The following BCL2L13 variants were observed in gnomAD, a reference collection of about 807,000 sequenced individuals.
The protein encoded by BCL2L13 is BCL2 like 13, also known as bcl-2-like protein 13.
A neutral mutation model predicts 25.8 loss-of-function variants in BCL2L13; 13 were observed. That is an observed-to-expected ratio of 0.50 (90% CI 0.33 to 0.80). BCL2L13 has a LOEUF of 0.80. Ranked by LOEUF, BCL2L13 falls within the 30% of genes least tolerant of loss-of-function variation. The pLI, the probability that BCL2L13 is intolerant of heterozygous loss-of-function variation, is 0.02. For missense variants in BCL2L13, 504 were observed against 574.9 expected, an observed-to-expected ratio of 0.88 and a Z score of 1.26; for synonymous variants, 244 against 230.3, an observed-to-expected ratio of 1.06 and a Z score of -0.54.
chr22:17,702,190 C>G lies in BCL2L13; in HGVS notation c.457-53C>G. ...TTTTCTAGTAGTTGAACATATAAAA[C>G]ACATTATAAGAATTTCAGTGTGGTT... is the stretch of plus-strand genomic sequence containing the variant. On this transcript the variant is annotated intron_variant, in intron 5 of 6. Transcript: ENST00000317582. 6.4e-6 allele frequency: 9 copies of G among 1,398,130 alleles called. No individual in the cohort carries two copies. The South Asian group carries it at 8.4e-5, about 13-fold the overall frequency. 86.6% of individuals were successfully genotyped at this position (1,398,130 alleles called of 1,614,324 possible).
chr22:17,671,721 C>A (rs1327516571), intron 2 of BCL2L13, among the ~76,000 whole-genome samples: 2 of 151,974 alleles, frequency 1.3e-5, no homozygotes, highest in Non-Finnish European at 2.9e-5. Flanking sequence ...CATCTGTTTT[C>A]TTTTTCAGAC....
At chr22:17,718,463 A>G (rs2061008042) in intron 6 of BCL2L13, among the ~76,000 whole-genome samples, 1 of 152,158 alleles carries the variant, frequency 6.6e-6, no homozygotes, top group African/African-American at 2.4e-5. Flanking sequence ...TGATGGATAT[A>G]TAGACTTTAT....
At chr22:17,639,831 G>A (rs1227203186) in intron 1 of BCL2L13, among the ~76,000 whole-genome samples, 1 of 151,616 alleles carries the variant, frequency 6.6e-6, no homozygotes, top group Non-Finnish European at 1.5e-5. Context: ...TGGATGAGTT[G>A]CCACACCCTT....
At chr22:17,646,970 T>TC in intron 1 of BCL2L13, among the ~76,000 whole-genome samples, 2 of 118,350 alleles carry the variant, frequency 1.7e-5, no homozygotes, top group African/African-American at 6.3e-5. Context: ...TTTTTTTTTT[T>TC]TTTTTTTTTC....
Position 17,702,267 on chromosome 22 carries a change from C to A in BCL2L13, c.481C>A (p.Arg161=), listed in dbSNP as rs1259278744. Residue 161 remains arginine (R), a synonymous_variant, in exon 6 of 7, where the codon CGA becomes AGA. Transcript: ENST00000317582. Reference sequence around the variant, plus strand: ...GATTTTGGTGCCTCTGGTTTTGCTACGACAAATGCTTTTGGAATTGACAAG... The same window carrying A: ...GATTTTGGTGCCTCTGGTTTTGCTAAGACAAATGCTTTTGGAATTGACAAG... ...NKILVPLVLL[R]QMLLELTRRG... 2.5e-6 allele frequency: 4 copies of A among 1,607,028 alleles called. No individual in the cohort carries two copies. The highest frequency in any genetic ancestry group is 3.4e-6 in the Non-Finnish European group (4 of 1,177,230).
At chr22:17,715,645 C>G (rs530104583) in intron 6 of BCL2L13, among the ~76,000 whole-genome samples, 1 of 148,958 alleles carries the variant, frequency 6.7e-6, no homozygotes, top group South Asian at 2.2e-4. Flanking sequence ...AAGGCAGATC[C>G]ACACTATTTC....
At chr22:17,713,284 A>G (rs1222691212) in intron 6 of BCL2L13, among the ~76,000 whole-genome samples, 1 of 152,146 alleles carries the variant, frequency 6.6e-6, no homozygotes, top group Admixed American at 6.6e-5. Context: ...TTCTGTACGT[A>G]CTAGTTAAAC....
intron 2 of BCL2L13, among the ~76,000 whole-genome samples, chr22:17,682,715 A>G (rs193181446): frequency 1.5e-3 from 234 of 152,276 alleles, no homozygotes; most frequent in African/African-American, 5.2e-3. Flanking sequence ...CTCTCAATCC[A>G]TAGGCCCAAA....
intron 5 of BCL2L13, among the ~76,000 whole-genome samples, chr22:17,699,361 G>A (rs1200491948): frequency 4.6e-5 from 7 of 152,038 alleles, no homozygotes; most frequent in African/African-American, 1.2e-4. Flanking sequence ...AAATTAGTAC[G>A]CTTCATTTCT....
chr22:17,655,644 T>TAAA lies in BCL2L13; in HGVS notation c.-50-18_-50-17insAAA, dbSNP rs1354924300. 1.3e-6 allele frequency: 2 copies of TAAA among 1,545,876 alleles called. No homozygotes were observed. The highest frequency in any genetic ancestry group is 1.7e-6 in the Non-Finnish European group (2 of 1,147,720). ...TGTAATAAACTTTAAACTGAAAAAATTACTTTTTTGTTCTTAGGTTTTACA... is the reference window on the plus strand; with the variant it reads ...TGTAATAAACTTTAAACTGAAAAAATAAATACTTTTTTGTTCTTAGGTTTTACA... On this transcript the variant is annotated splice_polypyrimidine_tract_variant and intron_variant, in intron 1 of 6. Transcript: ENST00000317582.
intron 6 of BCL2L13, among the ~76,000 whole-genome samples, chr22:17,717,406 C>T (rs919483178): frequency 7.7e-6 from 1 of 129,720 alleles, no homozygotes; most frequent in African/African-American, 3.4e-5. Context: ...TTGTTGTTCC[C>T]TCTTCCGTGA....
At chr22:17,668,502 G>C (rs1294022165) in intron 2 of BCL2L13, among the ~76,000 whole-genome samples, 1 of 151,206 alleles carries the variant, frequency 6.6e-6, no homozygotes, top group African/African-American at 2.4e-5. Flanking sequence ...GCCCAGGCTG[G>C]AGTGCAGTGG....
intron 4 of BCL2L13, 31 bp downstream of exon 4, chr22:17,689,173 CT>C (rs2060032051): frequency 6.2e-7 from 1 of 1,606,666 alleles, no homozygotes; most frequent in Admixed American, 1.7e-5. Flanking sequence ...GGATGTGCTT[CT>C]TTAAGTAGTC....
chr22:17,720,585 G>A (rs920078184), intron 6 of BCL2L13, among the ~76,000 whole-genome samples: 2 of 151,250 alleles, frequency 1.3e-5, no homozygotes, highest in South Asian at 2.1e-4. Flanking sequence ...GGCTGGTCTC[G>A]AACTCCTGAC....
At chr22:17,670,775 A>T (rs1467126897) in intron 2 of BCL2L13, among the ~76,000 whole-genome samples, 2 of 152,142 alleles carry the variant, frequency 1.3e-5, no homozygotes, top group Non-Finnish European at 2.9e-5. Flanking sequence ...TTCTATCAGG[A>T]ACAGAAGATG....
rs761841738 is a variant in BCL2L13 at position 17,696,144 on chromosome 22, A to G, written c.390A>G (p.Pro130=). The change falls in exon 5 of 7, where the codon CCA becomes CCG. Residue 130 remains proline (P), a synonymous_variant. Coordinates refer to ENST00000317582, the MANE Select transcript of BCL2L13 (RefSeq NM_015367.4). ...ACTTTTAAAAAAATCTCTACAGGCCAGTGACATATCAGGCATTTCGGGAAT... is the reference window on the plus strand; with the variant it reads ...ACTTTTAAAAAAATCTCTACAGGCCGGTGACATATCAGGCATTTCGGGAAT... The part of the protein sequence containing the change: ...HKALQMLLSQ[P]VTYQAFRECT... 3 of 1,613,188 alleles carry G rather than the reference A, an allele frequency of 1.9e-6. No individual in the cohort carries two copies. The highest frequency in any genetic ancestry group is 1.7e-6 in the Non-Finnish European group (2 of 1,179,144).
intron 6 of BCL2L13, among the ~76,000 whole-genome samples, chr22:17,720,276 C>T (rs1454281200): frequency 6.6e-6 from 1 of 152,098 alleles, no homozygotes; most frequent in Non-Finnish European, 1.5e-5. Context: ...TCAAGTGATT[C>T]TCCCACCTCA....
At position 17,721,588 on chromosome 22, in the gene BCL2L13, G is replaced by A. The variant is rs771497147; in HGVS notation, c.601-5089G>A. 4.2e-5 allele frequency among the ~76,000 whole-genome samples: 6 copies of A among 141,632 alleles called. No individual in the cohort carries two copies. In the East Asian group the frequency reaches 1.3e-3, roughly 30 times the overall value. 92.9% of individuals were successfully genotyped at this position (141,632 alleles called of 152,430 possible). ...CACCCAGGCTGGAGTGCAGTGGTGC[G>A]ATCTCAGCTTACTGCAACCTCTGCT... On this transcript the variant is annotated intron_variant, in intron 6 of 6. Coordinates refer to ENST00000317582, the MANE Select transcript of BCL2L13 (RefSeq NM_015367.4).
chr22:17,723,172 C>T (rs1337776331), intron 6 of BCL2L13, among the ~76,000 whole-genome samples: 1 of 151,748 alleles, frequency 6.6e-6, no homozygotes, highest in Non-Finnish European at 1.5e-5. Context: ...CTGTCCCTCT[C>T]CCTCTCTCCC....
Sources: allele counts gnomAD v4.1 joint callset (sites outside exome capture counted in the v4.1 genomes callset), GRCh38; gene constraint gnomAD v4.1.1; transcripts MANE v1.5; gene names NCBI Gene and HGNC (gene_info 2026-07-23, HGNC 2026-07-21).